C1orf21: variants seen among roughly 807,000 people sequenced by gnomAD.
C1orf21 encodes uncharacterized protein C1orf21.
C1orf21 carries 3 observed loss-of-function variants against 18.7 expected under a neutral mutation model. The ratio of observed to expected loss-of-function variants is 0.16; its 90% CI spans 0.07 to 0.42. The LOEUF (loss-of-function observed/expected upper bound fraction) is 0.42. Ranked by LOEUF, C1orf21 falls within the 10% of genes least tolerant of loss-of-function variation. The probability of loss-of-function intolerance (pLI) is 0.99; values close to 1 mark genes in which losing one functional copy is unlikely to be tolerated. For synonymous variants in C1orf21, 41 were observed against 46.4 expected (o/e 0.88, Z 0.47); for missense variants, 104 against 143.6 (o/e 0.72, Z 1.41).
intron 1 of C1orf21, among the ~76,000 whole-genome samples, chr1:184,414,284 A>T (rs1253977253): frequency 6.6e-6 from 1 of 151,970 alleles, no homozygotes; most frequent in Non-Finnish European, 1.5e-5. Context: ...GCATGCCAAC[A>T]TGCCTGGCTA....
At position 184,625,738 on chromosome 1, in the gene C1orf21, T is replaced by A. The variant is rs937924916; in HGVS notation, c.*6182T>A. The A allele has an allele frequency of 2.6e-5, 4 of 152,412 alleles. No homozygotes were observed. Among genetic ancestry groups the A allele is most frequent in the African/African-American group, 9.7e-5 (4 of 41,440 alleles). The allele number at this position is 152,412 out of a possible 1,614,324, so 9.4% of individuals were successfully genotyped here. A position where few individuals can be genotyped will look rare whatever the true frequency, so the allele number is the denominator to read the frequency against. ...CCATCACTCTTGAGAAAGTTTGAGT[T>A]CGACTCACATGGGAGAATCGAGGTC... On this transcript the variant is annotated 3_prime_UTR_variant, in exon 6 of 6. Coordinates refer to ENST00000235307, the MANE Select transcript of C1orf21 (RefSeq NM_030806.4).
chr1:184,388,251 G>A (rs2102054522), intron 1 of C1orf21, among the ~76,000 whole-genome samples: 1 of 152,288 alleles, frequency 6.6e-6, no homozygotes, highest in South Asian at 2.1e-4. Context: ...GAATGGCTCA[G>A]GCATGTCGGT....
intron 1 of C1orf21, among the ~76,000 whole-genome samples, chr1:184,430,765 G>A (rs1272656062): frequency 1.3e-5 from 2 of 152,136 alleles, no homozygotes; most frequent in Non-Finnish European, 2.9e-5. Flanking sequence ...CTTCTTTTAA[G>A]ATCTGGTGCC....
chr1:184,502,190 G>A (rs1311486702), intron 2 of C1orf21, among the ~76,000 whole-genome samples: 3 of 152,134 alleles, frequency 2.0e-5, no homozygotes, highest in South Asian at 2.1e-4. Flanking sequence ...TATTTTTCAC[G>A]GTTCTAGAGG....
intron 3 of C1orf21, among the ~76,000 whole-genome samples, chr1:184,518,225 A>T (rs1387344230): frequency 1.3e-5 from 2 of 152,228 alleles, no homozygotes; most frequent in African/African-American, 4.8e-5. Flanking sequence ...TTATTAAATC[A>T]GTCTTCCAAG....
chr1:184,459,953 C>A (rs1420655498), intron 1 of C1orf21, among the ~76,000 whole-genome samples: 1 of 152,150 alleles, frequency 6.6e-6, no homozygotes, highest in Non-Finnish European at 1.5e-5. Flanking sequence ...GTCTCCTCAG[C>A]CTCCCACAGC....
intron 5 of C1orf21, among the ~76,000 whole-genome samples, chr1:184,603,488 A>C (rs1405088824): frequency 6.6e-6 from 1 of 152,218 alleles, no homozygotes; most frequent in African/African-American, 2.4e-5. Context: ...GACTTAAATC[A>C]GCTGATTTTA....
At chr1:184,435,912 A>T (rs1278093485) in intron 1 of C1orf21, among the ~76,000 whole-genome samples, 1 of 152,236 alleles carries the variant, frequency 6.6e-6, no homozygotes, top group Non-Finnish European at 1.5e-5. Flanking sequence ...AGGAATGATC[A>T]GTTGCAACTA....
rs566293702 is a variant in C1orf21, at chr1:184,607,682, CAT to C, written c.327+9226_327+9227del. On this transcript the variant is annotated intron_variant, in intron 5 of 5. Transcript: ENST00000235307. ...ACATATATATGTGTGTATATATATA[CAT>C]ATATGTGTGTGTATATATATACACA... Among the ~76,000 whole-genome samples the C allele has an allele frequency of 6.2e-3, 901 of 144,628 alleles. 5 individuals carry two copies. Among genetic ancestry groups the C allele is most frequent in the Non-Finnish European group, 6.6e-3 (432 of 65,402 alleles). The allele number at this position is 144,628 out of a possible 152,430, so 94.9% of individuals were successfully genotyped here.
At chr1:184,574,633 G>A (rs1659161448) in intron 3 of C1orf21, among the ~76,000 whole-genome samples, 1 of 152,154 alleles carries the variant, frequency 6.6e-6, no homozygotes, top group Admixed American at 6.5e-5. Flanking sequence ...TCACTTAAGT[G>A]GAGAGGCAAG....
chr1:184,531,763 CAG>C (rs1040790497), intron 3 of C1orf21, among the ~76,000 whole-genome samples: 8 of 152,070 alleles, frequency 5.3e-5, no homozygotes, highest in Non-Finnish European at 1.0e-4. Context: ...GCAGGTCAGT[CAG>C]AGATGATCTC....
At chr1:184,435,871 A>G (rs926550298) in intron 1 of C1orf21, among the ~76,000 whole-genome samples, 7 of 152,352 alleles carry the variant, frequency 4.6e-5, no homozygotes, top group African/African-American at 1.7e-4. Context: ...CTGAAATCTG[A>G]ACAAATGTTT....
chr1:184,495,661 C>T (rs1345092162), intron 2 of C1orf21, among the ~76,000 whole-genome samples: 2 of 152,000 alleles, frequency 1.3e-5, no homozygotes, highest in African/African-American at 4.8e-5. Flanking sequence ...GTGGCTCATG[C>T]GTGTAATTCC....
intron 2 of C1orf21, among the ~76,000 whole-genome samples, chr1:184,492,155 A>T (rs1437040830): frequency 6.6e-6 from 1 of 152,280 alleles, no homozygotes; most frequent in Non-Finnish European, 1.5e-5. Context: ...AAACAAAAAC[A>T]AGTGGCTGTA....
intron 3 of C1orf21, among the ~76,000 whole-genome samples, chr1:184,515,715 A>T (rs537087269): frequency 2.0e-5 from 3 of 152,214 alleles, no homozygotes; most frequent in Non-Finnish European, 4.4e-5. Flanking sequence ...TGTCATTATC[A>T]GCCCATATTC....
At chr1:184,473,325 G>A (rs1034732492) in intron 1 of C1orf21, among the ~76,000 whole-genome samples, 1 of 152,206 alleles carries the variant, frequency 6.6e-6, no homozygotes, top group Non-Finnish European at 1.5e-5. Context: ...TCTCAGAGCT[G>A]CTCCAGGTCG....
At chr1:184,616,902 A>G (rs1045208826) in intron 5 of C1orf21, among the ~76,000 whole-genome samples, 12 of 152,164 alleles carry the variant, frequency 7.9e-5, no homozygotes, top group Middle Eastern at 3.4e-3. Context: ...ATTCATGTAC[A>G]TCGGTTTCTG....
intron 5 of C1orf21, among the ~76,000 whole-genome samples, chr1:184,604,066 G>A (rs1659619771): frequency 6.6e-6 from 1 of 152,194 alleles, no homozygotes; most frequent in African/African-American, 2.4e-5. Context: ...TTTTCATCCA[G>A]TGAAGAGAGT....
chr1:184,406,497 CATAACTGGG>C (rs1258046404), intron 1 of C1orf21, among the ~76,000 whole-genome samples: 5 of 152,112 alleles, frequency 3.3e-5, no homozygotes, highest in African/African-American at 1.2e-4. Context: ...CATAGAGGAT[CATAACTGGG>C]AGGGGGAGGA....
Sources: gnomAD v4.1 joint callset for allele counts (sites outside exome capture counted in the v4.1 genomes callset) on GRCh38, gnomAD v4.1.1 for gene constraint, MANE v1.5 for transcripts, NCBI Gene and HGNC (gene_info 2026-07-23, HGNC 2026-07-21) for gene names.